SRPK2: variants seen among roughly 807,000 people sequenced by gnomAD.
SRPK2 encodes the protein SFRS protein kinase 2.
A neutral mutation model predicts 90.8 loss-of-function variants in SRPK2; 21 were observed. The ratio of observed to expected loss-of-function variants is 0.23; its 90% CI spans 0.16 to 0.33. The LOEUF (loss-of-function observed/expected upper bound fraction) is 0.33, where lower values mean the gene tolerates loss of function less well. Among genes scored for constraint, SRPK2 ranks in the 10% least tolerant of loss-of-function variants. The pLI, the probability that SRPK2 is intolerant of heterozygous loss-of-function variation, is 1.00. For missense variants in SRPK2, 620 were observed against 869.0 expected, an observed-to-expected ratio of 0.71 and a Z score of 3.60; for synonymous variants, 288 against 311.1, an observed-to-expected ratio of 0.93 and a Z score of 0.78.
chr7:105,275,434 C>G (rs1806361760), intron 2 of SRPK2, among the ~76,000 whole-genome samples: 1 of 6,502 alleles, frequency 1.5e-4, no homozygotes, highest in South Asian at 3.9e-3. Context: ...CTGTGATTTC[C>G]CCCATTCATT....
At chr7:105,323,336 C>T (rs976323739) in intron 2 of SRPK2, among the ~76,000 whole-genome samples, 4 of 152,058 alleles carry the variant, frequency 2.6e-5, no homozygotes, top group Non-Finnish European at 4.4e-5. Context: ...AAGGTAAAGC[C>T]TTCTGCAAAC....
At chr7:105,301,134 T>C (rs1810496019) in intron 2 of SRPK2, among the ~76,000 whole-genome samples, 1 of 152,120 alleles carries the variant, frequency 6.6e-6, no homozygotes, top group African/African-American at 2.4e-5. Flanking sequence ...CCATCAATGA[T>C]AGACTGGATT....
At chr7:105,243,641 A>C (rs528094797) in intron 2 of SRPK2, among the ~76,000 whole-genome samples, 4 of 151,028 alleles carry the variant, frequency 2.6e-5, no homozygotes, top group Admixed American at 6.6e-5. Flanking sequence ...AAAAAAAAAA[A>C]AAAAAAAAAC....
intron 2 of SRPK2, among the ~76,000 whole-genome samples, chr7:105,208,849 T>C (rs1432026790): frequency 7.9e-5 from 12 of 152,172 alleles, no homozygotes; most frequent in Admixed American, 7.9e-4. Flanking sequence ...AAGCCAGGTG[T>C]GGTGGTGCAC....
intron 3 of SRPK2, among the ~76,000 whole-genome samples, chr7:105,194,387 GA>G (rs1794665293): frequency 6.6e-6 from 1 of 152,018 alleles, no homozygotes; most frequent in Non-Finnish European, 1.5e-5. Context: ...AATTTATAAA[GA>G]ATCATAAGGA....
At chr7:105,160,212 A>G (rs1014757222) in intron 7 of SRPK2, 8 of 201,654 alleles carry the variant, frequency 4.0e-5, no homozygotes, top group African/African-American at 1.8e-4. Context: ...TATAGTAGAT[A>G]CTGAACAAAA....
At chr7:105,313,823 G>T (rs1812007351) in intron 2 of SRPK2, among the ~76,000 whole-genome samples, 1 of 151,904 alleles carries the variant, frequency 6.6e-6, no homozygotes, top group Admixed American at 6.6e-5. Context: ...TATATATCTT[G>T]AACTCCTTTT....
At chr7:105,271,278 G>A (rs559634213) in intron 2 of SRPK2, among the ~76,000 whole-genome samples, 1 of 152,176 alleles carries the variant, frequency 6.6e-6, no homozygotes, top group Non-Finnish European at 1.5e-5. Context: ...TGCCTATCTT[G>A]TAAACACTGG....
chr7:105,351,682 T>A (rs1817202575), intron 2 of SRPK2, among the ~76,000 whole-genome samples: 1 of 151,240 alleles, frequency 6.6e-6, no homozygotes, highest in Non-Finnish European at 1.5e-5. Context: ...CCGGCACCTA[T>A]AATCCCAGCT....
chr7:105,277,340 T>C (rs1008268696), intron 2 of SRPK2, among the ~76,000 whole-genome samples: 6 of 152,188 alleles, frequency 3.9e-5, no homozygotes, highest in African/African-American at 1.4e-4. Flanking sequence ...CCTCCCAAAG[T>C]GCTGGGATTA....
At chr7:105,342,693 CGCT>C (rs979307973) in intron 2 of SRPK2, among the ~76,000 whole-genome samples, 2 of 152,152 alleles carry the variant, frequency 1.3e-5, no homozygotes, top group African/African-American at 4.8e-5. Flanking sequence ...CCCGTATATA[CGCT>C]GCTTTTCTCT....
In SRPK2 at chr7:105,142,323, C is replaced by T. The variant is rs1216944728; in HGVS notation, c.1228G>A (p.Asp410Asn). The T allele has an allele frequency of 2.5e-6, 4 of 1,614,170 alleles. No homozygotes were observed. Among genetic ancestry groups the T allele is most frequent in the Non-Finnish European group, 3.4e-6 (4 of 1,180,034 alleles). ...TCTTCTTCATCATCATCTTCATCGT[C>T]CAGTTGCTGCTCCAGTGAGAATGGG... ...NGPFSLEQQL[D>N]DEDDDEEDCP... is the part of the protein sequence containing the mutation. The change falls in exon 11 of 16, where the codon GAC (aspartate) becomes AAC (asparagine). Residue 410 changes from aspartate (D) to asparagine (N), a missense_variant. Around this residue, in one of 8 missense-constraint regions of SRPK2, gnomAD observed 243 missense variants for 245.7 expected, o/e 0.99. Transcript: ENST00000393651.
At chr7:105,374,953 G>A (rs977416000) in intron 2 of SRPK2, among the ~76,000 whole-genome samples, 129 of 152,050 alleles carry the variant, frequency 8.5e-4, no homozygotes, top group African/African-American at 2.9e-3. Context: ...AGGAAAGCAG[G>A]ATACAAAATC....
At chr7:105,245,847 T>G (rs1801585976) in intron 2 of SRPK2, among the ~76,000 whole-genome samples, 5 of 151,978 alleles carry the variant, frequency 3.3e-5, no homozygotes, top group African/African-American at 1.2e-4. Flanking sequence ...GCTGCCAGAG[T>G]AGCCACAACT....
chr7:105,332,107 G>A (rs992713006), intron 2 of SRPK2, among the ~76,000 whole-genome samples: 1 of 152,092 alleles, frequency 6.6e-6, no homozygotes, highest in African/African-American at 2.4e-5. Context: ...AAACAAGGGC[G>A]AATAATAAAA....
intron 2 of SRPK2, among the ~76,000 whole-genome samples, chr7:105,267,633 A>C (rs1220503368): frequency 6.6e-6 from 1 of 152,210 alleles, no homozygotes; most frequent in Non-Finnish European, 1.5e-5. Context: ...GTGATGCCCT[A>C]AGTTAGAGCC....
At chr7:105,387,785 T>A (rs966470737) in intron 2 of SRPK2, among the ~76,000 whole-genome samples, 37 of 152,054 alleles carry the variant, frequency 2.4e-4, no homozygotes, top group African/African-American at 7.7e-4. Context: ...ATCAAAAAAA[T>A]TAGGAGAGAG....
chr7:105,200,023 C>A (rs74621159), intron 3 of SRPK2, among the ~76,000 whole-genome samples: 1,886 of 152,128 alleles, frequency 0.012, 34 homozygotes, highest in African/African-American at 0.043. Context: ...ATCAAAGGAC[C>A]GGGCATGGTG....
intron 2 of SRPK2, among the ~76,000 whole-genome samples, chr7:105,205,427 G>A (rs762245034): frequency 6.6e-5 from 10 of 151,884 alleles, no homozygotes; most frequent in Admixed American, 6.6e-4. Flanking sequence ...CAGACATCAG[G>A]ATTGTAGTGA....
Sources: allele counts gnomAD v4.1 joint callset (sites outside exome capture counted in the v4.1 genomes callset), GRCh38; gene constraint gnomAD v4.1.1; regional missense constraint gnomAD v4.1.1; transcripts MANE v1.5; gene names NCBI Gene and HGNC (gene_info 2026-07-23, HGNC 2026-07-21).